The following CYLD variants were observed in gnomAD, a reference collection of about 807,000 sequenced individuals.
The protein encoded by CYLD is CYLD lysine 63 deubiquitinase.
In CYLD, 26 loss-of-function variants were observed where a neutral mutation model predicts 104.5. The observed-to-expected ratio is 0.25, with a 90% CI of 0.18 to 0.35. The LOEUF (loss-of-function observed/expected upper bound fraction) is 0.35. Among genes scored for constraint, CYLD ranks in the 10% least tolerant of loss-of-function variants. The pLI, the probability that CYLD is intolerant of heterozygous loss-of-function variation, is 1.00. For missense variants in CYLD, 703 were observed against 1,136.1 expected (o/e 0.62, Z 5.48); for synonymous variants, 385 against 399.9 (o/e 0.96, Z 0.45).
In CYLD at chr16:50,768,591, T is replaced by G. The variant is rs566436389; in HGVS notation, c.914-6575T>G. 5.3e-5 allele frequency among the ~76,000 whole-genome samples: 8 copies of G among 152,324 alleles called. No individual in the cohort carries two copies. The East Asian group carries it at 1.5e-3, about 29-fold the overall frequency. ...AGGAATCTTAAACCTGTTATAAAAT[T>G]GTTTCTCTCTTATATTTCTGTTCTA... On this transcript the variant is annotated intron_variant, in intron 5 of 18. Transcript: ENST00000427738.
rs1366734589 is a variant in CYLD, at chr16:50,797,126, GT to G, written c.*622del. ...ATGGTGTTGTTTTCTATTTGTTCTG[GT>G]TTTGAGATAAATGAGTGATTCTGTC... On this transcript the variant is annotated 3_prime_UTR_variant, in exon 19 of 19. Coordinates refer to ENST00000427738, the MANE Select transcript of CYLD (RefSeq NM_001378743.1). 4.3e-6 allele frequency: 1 copy of G among 233,550 alleles called. No individual in the cohort carries two copies. Among genetic ancestry groups the G allele is most frequent in the African/African-American group, 2.2e-5 (1 of 45,296 alleles). The allele number at this position is 233,550 out of a possible 1,614,324, so 14.5% of individuals were successfully genotyped here. A position where few individuals can be genotyped will look rare whatever the true frequency, so the allele number is the denominator to read the frequency against.
intron 1 of CYLD, 38 bp downstream of exon 1, chr16:50,742,162 G>T (rs1003112215): frequency 6.6e-6 from 1 of 151,956 alleles, no homozygotes; most frequent in Non-Finnish European, 1.5e-5. Flanking sequence ...AGCCGGGGCC[G>T]GCCCGGGACG....
chr16:50,797,116 A>G lies in CYLD; in HGVS notation c.*608A>G, dbSNP rs1227637819. The G allele has an allele frequency of 1.3e-5, 3 of 233,744 alleles. No individual in the cohort carries two copies. Among genetic ancestry groups the G allele is most frequent in the Non-Finnish European group, 2.5e-5 (3 of 118,596 alleles). The allele number at this position is 233,744 out of a possible 1,614,324, so 14.5% of individuals were successfully genotyped here. On this transcript the variant is annotated 3_prime_UTR_variant, in exon 19 of 19. Transcript: ENST00000427738. ...AATTCCCTTAATGGTGTTGTTTTCT[A>G]TTTGTTCTGGTTTTGAGATAAATGA... is the stretch of plus-strand genomic sequence containing the variant.
chr16:50,763,493 G>C (rs1193011723), intron 5 of CYLD, among the ~76,000 whole-genome samples: 1 of 152,114 alleles, frequency 6.6e-6, no homozygotes, highest in African/African-American at 2.4e-5. Context: ...TACTAGCAGT[G>C]TGTAAGCGTT....
rs1966902377 is a variant in CYLD at position 50,755,024 on chromosome 16, CATATATATGTATATATACATATATAT to C, written c.913+601_913+626del. Among the ~76,000 whole-genome samples the C allele has an allele frequency of 1.7e-4, 16 of 96,574 alleles. 1 individual carries two copies. The highest frequency in any genetic ancestry group is 2.6e-4 in the East Asian group (1 of 3,810). The allele number at this position is 96,574 out of a possible 152,430, so 63.4% of individuals were successfully genotyped here. A position where few individuals can be genotyped will look rare whatever the true frequency, so the allele number is the denominator to read the frequency against. On this transcript the variant is annotated intron_variant, in intron 5 of 18. Coordinates refer to ENST00000427738, the MANE Select transcript of CYLD (RefSeq NM_001378743.1). ...ATATATACATATATATGTATATATA[CATATATATGTATATATACATATATAT>C]GTATATATACATATAGATATGTATA...
chr16:50,765,005 G>A (rs1362830442), intron 5 of CYLD, among the ~76,000 whole-genome samples: 1 of 152,170 alleles, frequency 6.6e-6, no homozygotes, highest in Admixed American at 6.5e-5. Flanking sequence ...ATGTATTCTT[G>A]CAGGGATAAC....
chr16:50,768,417 G>A (rs1968756887), intron 5 of CYLD, among the ~76,000 whole-genome samples: 4 of 151,666 alleles, frequency 2.6e-5, no homozygotes, highest in African/African-American at 4.8e-5. Context: ...ACCTTCATCC[G>A]TGAAACAAAA....
In CYLD at chr16:50,800,623, T is replaced by A; in HGVS notation, c.*4115T>A. On this transcript the variant is annotated 3_prime_UTR_variant, in exon 19 of 19. Coordinates refer to ENST00000427738, the MANE Select transcript of CYLD (RefSeq NM_001378743.1). ...ATTGAGATTCTAGGAGCCAAAAAAATGAAAACAAAATTCTAAGGCAAAGTT... is the reference window on the plus strand; with the variant it reads ...ATTGAGATTCTAGGAGCCAAAAAAAAGAAAACAAAATTCTAAGGCAAAGTT... 4.3e-6 allele frequency: 1 copy of A among 232,562 alleles called. No homozygotes were observed. The highest frequency in any genetic ancestry group is 2.2e-5 in the African/African-American group (1 of 45,398). 14.4% of individuals were successfully genotyped at this position (232,562 alleles called of 1,614,324 possible).
In CYLD at chr16:50,750,101, C is replaced by T. The variant is rs1428645429; in HGVS notation, c.403C>T (p.Leu135=). The change falls in exon 3 of 19, where the codon CTG becomes TTG. Residue 135 remains leucine (L), a synonymous_variant. Coordinates refer to ENST00000427738, the MANE Select transcript of CYLD (RefSeq NM_001378743.1). ...IDVGCPVKVQ[L]RSGEEKFPGV... ...CGTGGGCTGTCCTGTGAAAGTACAGCTGAGATCTGGGGAAGAAAAATTTCC... is the reference window on the plus strand; with the variant it reads ...CGTGGGCTGTCCTGTGAAAGTACAGTTGAGATCTGGGGAAGAAAAATTTCC... 8 of 1,613,956 alleles carry T rather than the reference C, an allele frequency of 5.0e-6. No homozygotes were observed. The highest frequency in any genetic ancestry group is 5.9e-6 in the Non-Finnish European group (7 of 1,179,992).
rs140875917 is a variant in CYLD, at chr16:50,801,780, C to G, written c.*5272C>G. The G allele has an allele frequency of 4.3e-6, 1 of 233,170 alleles. No homozygotes were observed. The highest frequency in any genetic ancestry group is 2.2e-5 in the African/African-American group (1 of 45,302). The allele number at this position is 233,170 out of a possible 1,614,324, so 14.4% of individuals were successfully genotyped here. ...AACATCCTATATTTATGAGAACATTCTTTAAGAAGACCACCACATAGAATA... is the reference window on the plus strand; with the variant it reads ...AACATCCTATATTTATGAGAACATTGTTTAAGAAGACCACCACATAGAATA... On this transcript the variant is annotated 3_prime_UTR_variant, in exon 19 of 19. Coordinates refer to ENST00000427738, the MANE Select transcript of CYLD (RefSeq NM_001378743.1).
chr16:50,787,472 A>G (rs1278026163), intron 13 of CYLD: 1 of 320,830 alleles, frequency 3.1e-6, no homozygotes, highest in Non-Finnish European at 5.8e-6. Context: ...AAAACAGAGC[A>G]TACTTCAGAT....
chr16:50,780,984 C>T (rs1175441618), intron 9 of CYLD, among the ~76,000 whole-genome samples: 1 of 152,076 alleles, frequency 6.6e-6, no homozygotes, highest in East Asian at 1.9e-4. Flanking sequence ...GCCCGTTTAA[C>T]CAGGGGAGGT....
chr16:50,778,786 A>G (rs758792077), intron 8 of CYLD, among the ~76,000 whole-genome samples: 4 of 152,188 alleles, frequency 2.6e-5, no homozygotes, highest in Non-Finnish European at 4.4e-5. Flanking sequence ...TGCCTGCCAC[A>G]TTTGTTTTTA....
chr16:50,744,014 C>T (rs1234536171), intron 2 of CYLD, among the ~76,000 whole-genome samples: 1 of 152,120 alleles, frequency 6.6e-6, no homozygotes, highest in Non-Finnish European at 1.5e-5. Flanking sequence ...GTCTTTCATT[C>T]ATTTCTCTGT....
rs753441546 is a variant in CYLD at position 50,779,847 on chromosome 16, T to G, written c.1321T>G (p.Ser441Ala). Reference sequence around the variant, plus strand: ...TATTGGCCACAGTCCACTTTCTCTGTCAGCCCAGTCTGTAATGGAAGAGCT... The same window carrying G: ...TATTGGCCACAGTCCACTTTCTCTGGCAGCCCAGTCTGTAATGGAAGAGCT... ...GSIGHSPLSL[S>A]AQSVMEELNT... Residue 441 changes from serine to alanine, a missense_variant, in exon 9 of 19, where the codon TCA (serine) becomes GCA (alanine). Physicochemically the swap from Ser to Ala is moderately conservative, Grantham distance 99. Around this residue, in one of 5 missense-constraint regions of CYLD, gnomAD observed 183 missense variants for 212.1 expected, o/e 0.86. Coordinates refer to ENST00000427738, the MANE Select transcript of CYLD (RefSeq NM_001378743.1). 1 of 1,613,908 alleles carries G rather than the reference T, an allele frequency of 6.2e-7. No individual in the cohort carries two copies. The highest frequency in any genetic ancestry group is 8.5e-7 in the Non-Finnish European group (1 of 1,179,992).
intron 18 of CYLD, 83 bp from the exon 19 acceptor site, chr16:50,796,241 T>C: frequency 7.1e-7 from 1 of 1,408,094 alleles, no homozygotes; most frequent in Non-Finnish European, 9.9e-7. Flanking sequence ...ATTAGCTTTT[T>C]GGAAATGATA....
In CYLD at chr16:50,791,664, A is replaced by C; in HGVS notation, c.2215A>C (p.Ile739Leu). 6.2e-7 allele frequency: 1 copy of C among 1,613,910 alleles called. No individual in the cohort carries two copies. The highest frequency in any genetic ancestry group is 2.2e-5 in the East Asian group (1 of 44,806). Residue 739 changes from isoleucine (I) to leucine (L), a missense_variant, in exon 15 of 19, where the codon ATC (isoleucine) becomes CTC (leucine). Around this residue, in one of 5 missense-constraint regions of CYLD, gnomAD observed 125 missense variants for 325.4 expected, o/e 0.38. Coordinates refer to ENST00000427738, the MANE Select transcript of CYLD (RefSeq NM_001378743.1). Reference sequence around the variant, plus strand: ...TCAGCAGTTGTTAGAATGGTCTTTTATCAACAGTAACCTGAAATTTGCAGA... The same window carrying C: ...TCAGCAGTTGTTAGAATGGTCTTTTCTCAACAGTAACCTGAAATTTGCAGA... Reference protein sequence around the residue: ...TIQQLLEWSFINSNLKFAEAP... With the variant: ...TIQQLLEWSFLNSNLKFAEAP...
chr16:50,753,129 A>G (rs1966765155), intron 4 of CYLD, among the ~76,000 whole-genome samples: 1 of 152,204 alleles, frequency 6.6e-6, no homozygotes, highest in Non-Finnish European at 1.5e-5. Flanking sequence ...AAATTCCAGG[A>G]AATTCTATCT....
At chr16:50,747,313 C>G (rs983964055) in intron 2 of CYLD, among the ~76,000 whole-genome samples, 5 of 152,228 alleles carry the variant, frequency 3.3e-5, no homozygotes, top group African/African-American at 1.2e-4. Flanking sequence ...TGGAAAGCAA[C>G]AAGGCCGTAA....
Sources: gnomAD v4.1 joint callset for allele counts (sites outside exome capture counted in the v4.1 genomes callset) on GRCh38, gnomAD v4.1.1 for gene constraint, gnomAD v4.1.1 regional missense constraint, MANE v1.5 for transcripts, NCBI Gene and HGNC (gene_info 2026-07-23, HGNC 2026-07-21) for gene names.